The following WDFY3 variants were observed in gnomAD, a reference collection of about 807,000 sequenced individuals.
The protein encoded by WDFY3 is WD repeat and FYVE domain containing 3, also known as WD repeat and FYVE domain-containing protein 3.
In WDFY3, 66 loss-of-function variants were observed where a neutral mutation model predicts 409.6. That is an observed-to-expected ratio of 0.16 (90% CI 0.13 to 0.20). The LOEUF (loss-of-function observed/expected upper bound fraction) is 0.20, where lower values mean the gene tolerates loss of function less well. WDFY3 is among the 10% of genes least tolerant of loss of function. The pLI is 1.00. For missense variants in WDFY3, 3,031 were observed against 4,298.1 expected (o/e 0.71, Z 8.24); for synonymous variants, 1,521 against 1,537.1 (o/e 0.99, Z 0.25).
intron 3 of WDFY3, among the ~76,000 whole-genome samples, chr4:84,862,303 G>C (rs1466596013): frequency 1.3e-5 from 2 of 152,172 alleles, no homozygotes; most frequent in African/African-American, 4.8e-5. Context: ...ACTGTGCAGA[G>C]AGCACTGAGC....
At chr4:84,880,617 T>C (rs1441849228) in intron 3 of WDFY3, among the ~76,000 whole-genome samples, 2 of 134,592 alleles carry the variant, frequency 1.5e-5, no homozygotes, top group South Asian at 4.8e-4. Context: ...TAAGCAACAT[T>C]GATTAAATTG....
intron 13 of WDFY3, among the ~76,000 whole-genome samples, chr4:84,816,156 A>G (rs377046605): frequency 1.3e-5 from 2 of 152,150 alleles, no homozygotes; most frequent in African/African-American, 2.4e-5. Flanking sequence ...GAATCCTTAC[A>G]ACGGAAAATT....
chr4:84,888,690 T>C (rs1005359587), intron 3 of WDFY3, among the ~76,000 whole-genome samples: 2 of 152,208 alleles, frequency 1.3e-5, no homozygotes, highest in South Asian at 2.1e-4. Flanking sequence ...GTGTGTTAGA[T>C]CCAGCTTGTA....
chr4:84,752,844 T>C (rs1451299029), intron 35 of WDFY3, among the ~76,000 whole-genome samples: 3 of 152,214 alleles, frequency 2.0e-5, no homozygotes, highest in Non-Finnish European at 4.4e-5. Flanking sequence ...GTTTTATCTA[T>C]TTATTTTTAA....
intron 3 of WDFY3, among the ~76,000 whole-genome samples, chr4:84,878,728 A>G (rs1323777307): frequency 1.3e-5 from 2 of 152,212 alleles, no homozygotes; most frequent in Non-Finnish European, 2.9e-5. Context: ...ATCATCATAC[A>G]TCACGTGTTA....
chr4:84,778,422 A>G, intron 27 of WDFY3, 81 bp downstream of exon 27: 1 of 1,273,258 alleles, frequency 7.9e-7, no homozygotes, highest in Non-Finnish European at 1.0e-6. Context: ...AACACATTTT[A>G]GAGATAAAAT....
rs1362052455 is a variant in WDFY3 at position 84,687,029 on chromosome 4, C to A, written c.9543+1057G>T. Among the ~76,000 whole-genome samples, 3 of 152,172 alleles carry A rather than the reference C, an allele frequency of 2.0e-5. No individual in the cohort carries two copies. In the East Asian group the frequency reaches 5.8e-4, roughly 29 times the overall value. On this transcript the variant is annotated intron_variant, in intron 62 of 67. Transcript: ENST00000295888. Reference sequence around the variant, plus strand: ...CAGCATCTTTTGATAACTTCTGGATCTGTTTTGAAAATAGCTATATAAGAA... The same window carrying A: ...CAGCATCTTTTGATAACTTCTGGATATGTTTTGAAAATAGCTATATAAGAA...
intron 3 of WDFY3, among the ~76,000 whole-genome samples, chr4:84,864,132 C>T (rs567547330): frequency 3.6e-4 from 55 of 151,866 alleles, no homozygotes; most frequent in African/African-American, 1.2e-3. Context: ...TTTGGGAGGA[C>T]GAGGTGGGCG....
At chr4:84,872,282 T>C (rs776119391) in intron 3 of WDFY3, among the ~76,000 whole-genome samples, 6 of 151,926 alleles carry the variant, frequency 3.9e-5, no homozygotes, top group Admixed American at 2.6e-4. Flanking sequence ...CTGGCCAACA[T>C]GGTGAAACCC....
At chr4:84,835,310 A>C (rs1274722009) in intron 7 of WDFY3, among the ~76,000 whole-genome samples, 1 of 152,224 alleles carries the variant, frequency 6.6e-6, no homozygotes, top group Non-Finnish European at 1.5e-5. Flanking sequence ...AGCAAAGATT[A>C]ACCCACCACA....
chr4:84,867,338 G>A (rs1393059556), intron 3 of WDFY3, among the ~76,000 whole-genome samples: 1 of 152,196 alleles, frequency 6.6e-6, no homozygotes, highest in Non-Finnish European at 1.5e-5. Context: ...TGTAGAATAA[G>A]AGGTTTAGAA....
chr4:84,693,463 T>C (rs978224491), intron 58 of WDFY3, among the ~76,000 whole-genome samples: 3 of 152,198 alleles, frequency 2.0e-5, no homozygotes, highest in Admixed American at 6.5e-5. Flanking sequence ...GATTTAGAAA[T>C]ATCATTTTGG....
chr4:84,682,604 C>G, intron 63 of WDFY3, 134 bp from the exon 64 acceptor site: 2 of 735,586 alleles, frequency 2.7e-6, no homozygotes, highest in South Asian at 3.8e-5. Context: ...TTAGATTTCC[C>G]GTATCTTGGA....
intron 44 of WDFY3, among the ~76,000 whole-genome samples, chr4:84,730,772 G>T (rs1736458849): frequency 6.6e-6 from 1 of 151,518 alleles, no homozygotes; most frequent in African/African-American, 2.4e-5. Flanking sequence ...ACTAACAATA[G>T]CTGATGAGTT....
intron 4 of WDFY3, among the ~76,000 whole-genome samples, chr4:84,851,253 G>A (rs545498643): frequency 6.6e-6 from 1 of 151,910 alleles, no homozygotes; most frequent in South Asian, 2.1e-4. Context: ...TAGCTGAAAG[G>A]AAATTCTCTA....
chr4:84,778,448 G>A (rs933832908), intron 27 of WDFY3, 55 bp downstream of exon 27: 76 of 1,409,354 alleles, frequency 5.4e-5, no homozygotes, highest in Non-Finnish European at 7.2e-5. Context: ...ATAATCATAT[G>A]GAGTAAGAAA....
At chr4:84,825,263 T>C (rs1390744543) in intron 10 of WDFY3, among the ~76,000 whole-genome samples, 1 of 151,968 alleles carries the variant, frequency 6.6e-6, no homozygotes, top group African/African-American at 2.4e-5. Context: ...AGGAAGTACA[T>C]TGCTGCAATA....
At chr4:84,778,710 C>CACACACACAAACACACACAT (rs773108993) in intron 26 of WDFY3, 55 bp from the exon 27 acceptor site, 101 of 1,544,724 alleles carry the variant, frequency 6.5e-5, no homozygotes, top group African/African-American at 5.9e-4. Context: ...ATATTCATTA[C>CACACACACAAACACACACAT]ACACACACAA....
chr4:84,704,284 TTAGA>T lies in WDFY3; in HGVS notation c.8442+50_8442+53del, dbSNP rs1477811712. On this transcript the variant is annotated intron_variant, in intron 55 of 67. Coordinates refer to ENST00000295888, the MANE Select transcript of WDFY3 (RefSeq NM_014991.6). ...TAATGATGTTTTAAAAGGTGACATT[TTAGA>T]TAGAAGTAGGCTTGTATAAAATAGA... The T allele has an allele frequency of 4.7e-6, 6 of 1,288,434 alleles. No individual in the cohort carries two copies. The African/African-American group carries it at 9.1e-5, about 20-fold the overall frequency. The allele number at this position is 1,288,434 out of a possible 1,614,324, so 79.8% of individuals were successfully genotyped here.
Sources: gnomAD v4.1 joint callset for allele counts (sites outside exome capture counted in the v4.1 genomes callset) on GRCh38, gnomAD v4.1.1 for gene constraint, MANE v1.5 for transcripts, NCBI Gene and HGNC (gene_info 2026-07-23, HGNC 2026-07-21) for gene names.